The following KCTD8 variants were observed in gnomAD, a reference collection of about 807,000 sequenced individuals.
KCTD8 encodes BTB/POZ domain-containing protein KCTD8.
In KCTD8, 27 loss-of-function variants were observed where a neutral mutation model predicts 31.5. The ratio of observed to expected loss-of-function variants is 0.86; its 90% CI spans 0.63 to 1.18. The LOEUF (loss-of-function observed/expected upper bound fraction) is 1.18, where lower values mean the gene tolerates loss of function less well. Ranked by LOEUF, KCTD8 falls within the 50% of genes most tolerant of loss-of-function variation. KCTD8 has a pLI of 0.00. For missense variants in KCTD8, 658 were observed against 647.7 expected, an observed-to-expected ratio of 1.02 and a Z score of -0.17; for synonymous variants, 290 against 280.0, an observed-to-expected ratio of 1.04 and a Z score of -0.36.
chr4:44,269,307 TA>T (rs1716498479), intron 1 of KCTD8, among the ~76,000 whole-genome samples: 1 of 152,116 alleles, frequency 6.6e-6, no homozygotes, highest in South Asian at 2.1e-4. Context: ...TCCTATTTAA[TA>T]AATGGTGCTG....
intron 1 of KCTD8, among the ~76,000 whole-genome samples, chr4:44,358,077 C>G (rs553345441): frequency 6.6e-6 from 1 of 150,992 alleles, no homozygotes; most frequent in Non-Finnish European, 1.5e-5. Context: ...CCCAGGTGCA[C>G]GATGTTTCCT....
At chr4:44,300,589 GC>G (rs1216865432) in intron 1 of KCTD8, among the ~76,000 whole-genome samples, 1 of 152,056 alleles carries the variant, frequency 6.6e-6, no homozygotes, top group Non-Finnish European at 1.5e-5. Context: ...AGAATAATCA[GC>G]TTTGCAATCT....
At chr4:44,406,867 T>C (rs1374661501) in intron 1 of KCTD8, among the ~76,000 whole-genome samples, 1 of 152,238 alleles carries the variant, frequency 6.6e-6, no homozygotes, top group African/African-American at 2.4e-5. Context: ...ATGTTTCTGT[T>C]CTCAGGTTAA....
At chr4:44,263,195 G>T (rs1288104754) in intron 1 of KCTD8, among the ~76,000 whole-genome samples, 6 of 152,014 alleles carry the variant, frequency 3.9e-5, no homozygotes, top group Non-Finnish European at 5.9e-5. Flanking sequence ...ATAACAGCAA[G>T]TTTATGCCTA....
At chr4:44,283,000 G>T (rs1453230689) in intron 1 of KCTD8, among the ~76,000 whole-genome samples, 2 of 150,722 alleles carry the variant, frequency 1.3e-5, no homozygotes, top group Admixed American at 1.3e-4. Flanking sequence ...GATAATTGAG[G>T]AAAGTGGCTA....
chr4:44,427,296 G>T, intron 1 of KCTD8, among the ~76,000 whole-genome samples: 1 of 151,190 alleles, frequency 6.6e-6, no homozygotes, highest in East Asian at 1.9e-4. Flanking sequence ...ATAAAATACC[G>T]AATTTCAGGG....
chr4:44,417,892 A>G (rs1295772436), intron 1 of KCTD8, among the ~76,000 whole-genome samples: 1 of 146,582 alleles, frequency 6.8e-6, no homozygotes, highest in East Asian at 2.1e-4. Context: ...TACCAACATA[A>G]TCTCACTGAT....
chr4:44,274,175 A>G (rs547251278), intron 1 of KCTD8, among the ~76,000 whole-genome samples: 134 of 152,042 alleles, frequency 8.8e-4, no homozygotes, highest in African/African-American at 3.2e-3. Flanking sequence ...GGCTTGATAA[A>G]TAATTTCAAA....
At position 44,372,042 on chromosome 4, in the gene KCTD8, C is replaced by A. The variant is rs151212045; in HGVS notation, c.961+75521G>T. On this transcript the variant is annotated intron_variant, in intron 1 of 1. Transcript: ENST00000360029. The stretch of plus-strand genomic sequence containing the variant: ...TAAATTGGTGACAATCTTTATATTT[C>A]TGAGAAGCAATGCATCTGCTTTTTC... 2.5e-3 allele frequency among the ~76,000 whole-genome samples: 386 copies of A among 152,258 alleles called. 6 individuals are homozygous for A. Among genetic ancestry groups the A allele is most frequent in the Admixed American group, 0.021 (324 of 15,290 alleles).
chr4:44,378,692 A>G (rs1719982058), intron 1 of KCTD8, among the ~76,000 whole-genome samples: 1 of 152,152 alleles, frequency 6.6e-6, no homozygotes, highest in Admixed American at 6.6e-5. Context: ...ATTAGAGTGT[A>G]GCTATTACAT....
chr4:44,427,697 A>C (rs1721381853), intron 1 of KCTD8, among the ~76,000 whole-genome samples: 2 of 151,822 alleles, frequency 1.3e-5, no homozygotes, highest in South Asian at 4.1e-4. Flanking sequence ...TATTAACAAA[A>C]AATAGACAAA....
intron 1 of KCTD8, among the ~76,000 whole-genome samples, chr4:44,294,543 G>A (rs968465720): frequency 2.0e-5 from 3 of 152,048 alleles, no homozygotes; most frequent in Non-Finnish European, 2.9e-5. Flanking sequence ...CAAAAGCATT[G>A]GCTCACTTTG....
intron 1 of KCTD8, among the ~76,000 whole-genome samples, chr4:44,397,615 T>A (rs574158778): frequency 1.7e-4 from 26 of 152,322 alleles, no homozygotes; most frequent in African/African-American, 6.0e-4. Context: ...CAACTGCAGT[T>A]GGCAATAGTA....
intron 1 of KCTD8, among the ~76,000 whole-genome samples, chr4:44,255,140 CT>C (rs970688429): frequency 6.6e-6 from 1 of 151,810 alleles, no homozygotes; most frequent in Non-Finnish European, 1.5e-5. Flanking sequence ...TGATAAACGT[CT>C]TTTTTTCAAA....
chr4:44,255,644 G>A (rs1715968571), intron 1 of KCTD8, among the ~76,000 whole-genome samples: 1 of 151,606 alleles, frequency 6.6e-6, no homozygotes, highest in Admixed American at 6.6e-5. Flanking sequence ...TGAGTCTTTT[G>A]ATCTAGAATT....
chr4:44,224,172 G>C (rs981399791), intron 1 of KCTD8, among the ~76,000 whole-genome samples: 3 of 152,018 alleles, frequency 2.0e-5, no homozygotes, highest in Non-Finnish European at 4.4e-5. Flanking sequence ...TAACATCCAA[G>C]CTCACAATTT....
At chr4:44,353,945 T>A (rs1719280163) in intron 1 of KCTD8, among the ~76,000 whole-genome samples, 1 of 152,176 alleles carries the variant, frequency 6.6e-6, no homozygotes, top group Non-Finnish European at 1.5e-5. Context: ...AAATATGCTT[T>A]GGATTGCTCC....
intron 1 of KCTD8, among the ~76,000 whole-genome samples, chr4:44,374,116 T>C (rs577224668): frequency 2.0e-4 from 31 of 152,300 alleles, no homozygotes; most frequent in Non-Finnish European, 3.5e-4. Context: ...TTCTTTAAAC[T>C]AGGTTACTTA....
chr4:44,234,346 A>G (rs1025867147), intron 1 of KCTD8, among the ~76,000 whole-genome samples: 7 of 152,312 alleles, frequency 4.6e-5, no homozygotes, highest in African/African-American at 1.4e-4. Flanking sequence ...TCTACTCTAG[A>G]GAGTAAGGTA....
Sources: allele counts gnomAD v4.1 joint callset (sites outside exome capture counted in the v4.1 genomes callset), GRCh38; gene constraint gnomAD v4.1.1; transcripts MANE v1.5; gene names NCBI Gene and HGNC (gene_info 2026-07-23, HGNC 2026-07-21).